The following PHF14 variants were observed in gnomAD, a reference collection of about 807,000 sequenced individuals.
PHF14 encodes PHD finger protein 14.
PHF14 carries 55 observed loss-of-function variants against 117.9 expected under a neutral mutation model. That is an observed-to-expected ratio of 0.47 (90% CI 0.38 to 0.58). The LOEUF (loss-of-function observed/expected upper bound fraction) is 0.58. Among genes scored for constraint, PHF14 ranks in the 20% least tolerant of loss-of-function variants. The pLI, the probability that PHF14 is intolerant of heterozygous loss-of-function variation, is 0.00. For synonymous variants in PHF14, 409 were observed against 368.6 expected (o/e 1.11, Z -1.26); for missense variants, 978 against 1,122.2 (o/e 0.87, Z 1.84).
At chr7:11,104,413 C>A in intron 16 of PHF14, 1 of 951,446 alleles carries the variant, frequency 1.1e-6, no homozygotes, top group African/African-American at 1.8e-5. Flanking sequence ...GCTCTCATAT[C>A]CACAGTATAA....
intron 14 of PHF14, among the ~76,000 whole-genome samples, chr7:11,057,051 A>ATATG (rs1785045355): frequency 6.6e-6 from 1 of 152,062 alleles, no homozygotes; most frequent in Non-Finnish European, 1.5e-5. Flanking sequence ...ATGATTCACC[A>ATATG]TATGTGACTT....
intron 17 of PHF14, among the ~76,000 whole-genome samples, chr7:11,128,546 A>G (rs1418372544): frequency 6.6e-6 from 1 of 151,910 alleles, no homozygotes; most frequent in African/African-American, 2.4e-5. Flanking sequence ...TCACTTTTCA[A>G]ATTTCCAGGT....
At chr7:11,000,092 A>C (rs1019863212) in intron 4 of PHF14, among the ~76,000 whole-genome samples, 2 of 152,180 alleles carry the variant, frequency 1.3e-5, no homozygotes, top group Non-Finnish European at 2.9e-5. Context: ...TAATTAATTT[A>C]TTGGTAGTAA....
chr7:10,986,005 G>A (rs1782212389), intron 3 of PHF14, among the ~76,000 whole-genome samples: 1 of 151,800 alleles, frequency 6.6e-6, no homozygotes, highest in East Asian at 1.9e-4. Context: ...TTCTCGCTTT[G>A]TTTCCTGGAC....
At chr7:11,046,848 C>A (rs2128325262) in intron 13 of PHF14, among the ~76,000 whole-genome samples, 1 of 151,346 alleles carries the variant, frequency 6.6e-6, no homozygotes, top group East Asian at 2.0e-4. Flanking sequence ...GAAAACATGG[C>A]TAACGGCTTA....
chr7:11,027,327 A>T (rs1320303369), intron 6 of PHF14, among the ~76,000 whole-genome samples: 1 of 152,190 alleles, frequency 6.6e-6, no homozygotes, highest in East Asian at 1.9e-4. Context: ...AGGCAGTAGG[A>T]TGTCAGGATT....
chr7:11,027,051 G>A (rs1783938663), intron 6 of PHF14, among the ~76,000 whole-genome samples: 1 of 151,982 alleles, frequency 6.6e-6, no homozygotes. Flanking sequence ...GGAAGATTCT[G>A]TTTTCTTTGA....
intron 17 of PHF14, among the ~76,000 whole-genome samples, chr7:11,135,727 T>G (rs540533603): frequency 6.6e-5 from 10 of 152,244 alleles, no homozygotes; most frequent in South Asian, 4.1e-4. Flanking sequence ...CTGTAAGAGA[T>G]AAACCTATTG....
chr7:11,101,420 C>G (rs1436145703), intron 16 of PHF14, among the ~76,000 whole-genome samples: 3 of 151,828 alleles, frequency 2.0e-5, no homozygotes, highest in Non-Finnish European at 4.4e-5. Context: ...CTCAGAGTAT[C>G]AGATTCAGAA....
intron 16 of PHF14, among the ~76,000 whole-genome samples, chr7:11,069,685 C>CCTTG (rs1382451613): frequency 8.1e-6 from 1 of 122,792 alleles, no homozygotes; most frequent in Non-Finnish European, 1.6e-5. Flanking sequence ...CCTTTCCCTT[C>CCTTG]CTTCCTTCCT....
chr7:11,036,424 A>G lies in PHF14; in HGVS notation c.1609A>G (p.Ile537Val), dbSNP rs774986749. Residue 537 changes from isoleucine to valine, a missense_variant, in exon 9 of 18, where the codon ATC becomes GTC. By Grantham distance (29) the Ile-to-Val change is conservative. This residue lies in a region of PHF14 where 237 missense variants were observed against 276.4 expected (regional missense o/e 0.86). Transcript: ENST00000634607. ...KQLSPEAQARINARLQQYRAK... is the reference protein window; with the variant it reads ...KQLSPEAQARVNARLQQYRAK... ...GAATACATTTCTTTTATAGGCAAGG[A>G]TCAATGCCCGGCTTCAGCAGTATCG... 37 of 1,610,482 alleles carry G rather than the reference A, an allele frequency of 2.3e-5. No homozygotes were observed. The highest frequency in any genetic ancestry group is 1.4e-5 in the Non-Finnish European group (16 of 1,177,352).
chr7:11,126,539 G>A (rs1292726560), intron 17 of PHF14, among the ~76,000 whole-genome samples: 1 of 151,958 alleles, frequency 6.6e-6, no homozygotes, highest in Non-Finnish European at 1.5e-5. Context: ...TTTTTGCAGT[G>A]AAATAAACTT....
chr7:11,065,807 C>T (rs910028090), intron 16 of PHF14, among the ~76,000 whole-genome samples: 1 of 152,060 alleles, frequency 6.6e-6, no homozygotes, highest in African/African-American at 2.4e-5. Context: ...TTTATAGACT[C>T]AATGTGGCAC....
intron 16 of PHF14, among the ~76,000 whole-genome samples, chr7:11,072,603 A>G (rs1400246402): frequency 6.6e-6 from 1 of 152,212 alleles, no homozygotes; most frequent in Non-Finnish European, 1.5e-5. Flanking sequence ...GGCACAGTGG[A>G]CAAAAAATGG....
At position 11,111,444 on chromosome 7, in the gene PHF14, G is replaced by T; in HGVS notation, c.2749G>T (p.Glu917Ter). The T allele has an allele frequency of 6.3e-7, 1 of 1,592,160 alleles. No individual in the cohort carries two copies. The highest frequency in any genetic ancestry group is 8.6e-7 in the Non-Finnish European group (1 of 1,162,798). The change falls in exon 17 of 18, where the codon GAA becomes TAA. Residue 917 changes from glutamate (E) to a stop codon, truncating the protein, a stop_gained. Transcript: ENST00000634607. LOFTEE classifies it high-confidence loss of function. ...GACAGGCTACGGATGGATATGTCAGGAATGTGATTCTTCATCTTCCAAGGT... is the reference window on the plus strand; with the variant it reads ...GACAGGCTACGGATGGATATGTCAGTAATGTGATTCTTCATCTTCCAAGGT... ...KQTGYGWICQ[E>*]CDSSSSKEDE...
At chr7:11,103,704 T>G in intron 16 of PHF14, 1 of 983,282 alleles carries the variant, frequency 1.0e-6, no homozygotes, top group Non-Finnish European at 1.2e-6. Flanking sequence ...AGGAATAGAG[T>G]AGGTAATGTT....
chr7:11,071,770 AGATTTT>A (rs1452398036), intron 16 of PHF14, among the ~76,000 whole-genome samples: 5 of 152,230 alleles, frequency 3.3e-5, no homozygotes, highest in African/African-American at 1.2e-4. Flanking sequence ...TGTATAAATT[AGATTTT>A]GTTTCCACAA....
chr7:11,122,350 TATACACACACACACAC>T (rs1787784747), intron 17 of PHF14, among the ~76,000 whole-genome samples: 1 of 63,092 alleles, frequency 1.6e-5, no homozygotes, highest in African/African-American at 8.4e-5. Flanking sequence ...TATATATATA[TATACACACACACACAC>T]ACACACACAC....
intron 13 of PHF14, among the ~76,000 whole-genome samples, chr7:11,048,457 A>G (rs1336486342): frequency 6.6e-6 from 1 of 152,078 alleles, no homozygotes; most frequent in Non-Finnish European, 1.5e-5. Context: ...CTGTAATCCC[A>G]GCTACTCGGG....
Sources: allele counts gnomAD v4.1 joint callset (sites outside exome capture counted in the v4.1 genomes callset), GRCh38; gene constraint gnomAD v4.1.1; regional missense constraint gnomAD v4.1.1; transcripts MANE v1.5; gene names NCBI Gene and HGNC (gene_info 2026-07-23, HGNC 2026-07-21).